Variants in DIP2B observed in about 807,000 individuals in gnomAD.
The protein encoded by DIP2B is DIP2 acetate--CoA ligase B (putative).
In DIP2B, 76 loss-of-function variants were observed where a neutral mutation model predicts 198.0. The observed-to-expected ratio is 0.38, with a 90% CI of 0.32 to 0.46. The LOEUF (loss-of-function observed/expected upper bound fraction) is 0.46. Among genes scored for constraint, DIP2B ranks in the 20% least tolerant of loss-of-function variants. The probability of loss-of-function intolerance (pLI) is 0.99; values close to 1 mark genes in which losing one functional copy is unlikely to be tolerated. For missense variants in DIP2B, 1,559 were observed against 1,978.4 expected (o/e 0.79, Z 4.02); for synonymous variants, 701 against 739.1 (o/e 0.95, Z 0.84).
intron 7 of DIP2B, 26 bp downstream of exon 7, chr12:50,675,474 A>AT: frequency 6.2e-7 from 1 of 1,600,928 alleles, no homozygotes; most frequent in Non-Finnish European, 8.5e-7. Context: ...CCAAAAACAT[A>AT]TATTCATTAA....
chr12:50,744,575 T>C lies in DIP2B; in HGVS notation c.4479-12T>C, dbSNP rs377657526. ...GTAGTGACAAGTTAATGAATTGTCA[T>C]TGAAATTTCAGTGCCGTGTTCACAT... is the stretch of plus-strand genomic sequence containing the variant. On this transcript the variant is annotated splice_polypyrimidine_tract_variant and intron_variant, in intron 37 of 37. Transcript: ENST00000301180. The C allele has an allele frequency of 1.2e-6, 2 of 1,610,548 alleles. No individual in the cohort carries two copies. Among genetic ancestry groups the C allele is most frequent in the Non-Finnish European group, 1.7e-6 (2 of 1,176,926 alleles).
intron 1 of DIP2B, among the ~76,000 whole-genome samples, chr12:50,559,978 C>T (rs776244013): frequency 6.6e-6 from 1 of 151,936 alleles, no homozygotes; most frequent in East Asian, 1.9e-4. Flanking sequence ...GGTTTACAAT[C>T]GAGAATGATC....
At chr12:50,579,275 C>A (rs943086213) in intron 1 of DIP2B, among the ~76,000 whole-genome samples, 1 of 151,968 alleles carries the variant, frequency 6.6e-6, no homozygotes, top group Non-Finnish European at 1.5e-5. Context: ...TTATAAGTTA[C>A]AGTGAACTGA....
intron 37 of DIP2B, among the ~76,000 whole-genome samples, chr12:50,742,196 A>T (rs1361644105): frequency 1.3e-5 from 2 of 151,854 alleles, no homozygotes; most frequent in African/African-American, 2.4e-5. Flanking sequence ...CCAGGAATCC[A>T]AGACCATCCT....
At chr12:50,514,458 C>T (rs1958046352) in intron 1 of DIP2B, among the ~76,000 whole-genome samples, 1 of 152,140 alleles carries the variant, frequency 6.6e-6, no homozygotes, top group South Asian at 2.1e-4. Context: ...TGTATCAGTT[C>T]CACCCGTATC....
At position 50,714,428 on chromosome 12, in the gene DIP2B, T is replaced by C; in HGVS notation, c.2683T>C (p.Cys895Arg). The C allele has an allele frequency of 6.2e-7, 1 of 1,614,250 alleles. No homozygotes were observed. The highest frequency in any genetic ancestry group is 8.5e-7 in the Non-Finnish European group (1 of 1,180,032). ...IDSIHQVGVY[C>R]LALVPANTLP... The stretch of plus-strand genomic sequence containing the variant: ...TAGCATTCATCAAGTGGGGGTTTAT[T>C]GTCTTGCTCTGGTGCCAGCCAATAC... Residue 895 changes from cysteine to arginine, a missense_variant, in exon 23 of 38, where the codon TGT (cysteine) becomes CGT (arginine). By Grantham distance (180) the Cys-to-Arg change is radical. Coordinates refer to ENST00000301180, the MANE Select transcript of DIP2B (RefSeq NM_173602.3).
At chr12:50,611,265 C>T (rs1959029504) in intron 1 of DIP2B, among the ~76,000 whole-genome samples, 2 of 152,150 alleles carry the variant, frequency 1.3e-5, no homozygotes, top group Non-Finnish European at 2.9e-5. Flanking sequence ...TTCTTTGTTT[C>T]ACTCTATTTT....
chr12:50,568,486 T>TTTCTGCTG (rs1958585269), intron 1 of DIP2B, among the ~76,000 whole-genome samples: 1 of 152,206 alleles, frequency 6.6e-6, no homozygotes, highest in Non-Finnish European at 1.5e-5. Context: ...CTGAGCAGTA[T>TTTCTGCTG]ACGGGAATTT....
At chr12:50,709,137 T>C (rs1252298614) in intron 22 of DIP2B, among the ~76,000 whole-genome samples, 2 of 152,230 alleles carry the variant, frequency 1.3e-5, no homozygotes, top group Non-Finnish European at 2.9e-5. Flanking sequence ...GCTCCACTTC[T>C]TACCAGATAT....
chr12:50,622,036 A>C (rs1373026039), intron 1 of DIP2B, among the ~76,000 whole-genome samples: 2 of 152,176 alleles, frequency 1.3e-5, no homozygotes, highest in African/African-American at 2.4e-5. Context: ...GCACTGAAGA[A>C]AGCTTTTTAA....
At position 50,743,110 on chromosome 12, in the gene DIP2B, G is replaced by T. The variant is rs148890596; in HGVS notation, c.4479-1477G>T. 4.6e-3 allele frequency among the ~76,000 whole-genome samples: 692 copies of T among 151,786 alleles called. 7 individuals carry two copies. Among genetic ancestry groups the T allele is most frequent in the African/African-American group, 0.016 (658 of 41,382 alleles). On this transcript the variant is annotated intron_variant, in intron 37 of 37. Transcript: ENST00000301180. ...ATTTGGTTTTGTTTGTTTTTTTTGT[G>T]AGACAGAGTCTCCCCAGGCTGGAGT...
chr12:50,674,417 T>G (rs1938908974), intron 5 of DIP2B, 57 bp from the exon 6 acceptor site: 1 of 1,596,136 alleles, frequency 6.3e-7, no homozygotes, highest in Admixed American at 1.7e-5. Flanking sequence ...CCCCAAAGAT[T>G]TGAAGGTTCT....
At chr12:50,653,328 C>CTTTTTTTTTTTTTTTTTTCTTTTTTTTT (rs71086465) in intron 3 of DIP2B, among the ~76,000 whole-genome samples, 1 of 116,308 alleles carries the variant, frequency 8.6e-6, no homozygotes, top group Admixed American at 1.0e-4. Flanking sequence ...GTCTTTCTTT[C>CTTTTTTTTTTTTTTTTTTCTTTTTTTTT]TTTTTTTTTT....
Position 50,736,932 on chromosome 12 carries a change from A to G in DIP2B, c.4102-104A>G, listed in dbSNP as rs532667823. 3.6e-5 allele frequency: 39 copies of G among 1,085,326 alleles called. No individual in the cohort carries two copies. The South Asian group carries it at 4.6e-4, about 13-fold the overall frequency. The allele number at this position is 1,085,326 out of a possible 1,614,324, so 67.2% of individuals were successfully genotyped here. A position where few individuals can be genotyped will look rare whatever the true frequency, so the allele number is the denominator to read the frequency against. The stretch of plus-strand genomic sequence containing the variant: ...GTGATGCCGCTACAGCTGGCTCGCC[A>G]TGTGTGCCTCTCTCACCTCTCCAGC... On this transcript the variant is annotated intron_variant, in intron 34 of 37. Coordinates refer to ENST00000301180, the MANE Select transcript of DIP2B (RefSeq NM_173602.3).
chr12:50,543,573 G>A, intron 1 of DIP2B, among the ~76,000 whole-genome samples: 1 of 151,784 alleles, frequency 6.6e-6, no homozygotes, highest in Non-Finnish European at 1.5e-5. Flanking sequence ...ACAAGCATGA[G>A]CCACCGCTCT....
chr12:50,720,347 G>A (rs942953658), intron 25 of DIP2B, among the ~76,000 whole-genome samples: 3 of 152,126 alleles, frequency 2.0e-5, no homozygotes, highest in Non-Finnish European at 2.9e-5. Context: ...CCCCAGCAGG[G>A]GAAGACTGGA....
rs1940369864 is a variant in DIP2B at position 50,748,482 on chromosome 12, A to ATTT, written c.*3644_*3645insTTT. The stretch of plus-strand genomic sequence containing the variant: ...GCTGTTTTGTTTACTTTCTGTCAAG[A>ATTT]TATTTACCCGTGTCAAATTCAAACT... On this transcript the variant is annotated 3_prime_UTR_variant, in exon 38 of 38. Transcript: ENST00000301180. The ATTT allele has an allele frequency of 1.3e-5, 2 of 152,792 alleles. No homozygotes were observed. Among genetic ancestry groups the ATTT allele is most frequent in the South Asian group, 4.1e-4 (2 of 4,824 alleles). The allele number at this position is 152,792 out of a possible 1,614,324, so 9.5% of individuals were successfully genotyped here. A position where few individuals can be genotyped will look rare whatever the true frequency, so the allele number is the denominator to read the frequency against.
chr12:50,694,523 A>G (rs1939273923), intron 14 of DIP2B, among the ~76,000 whole-genome samples: 1 of 79,664 alleles, frequency 1.3e-5, no homozygotes, highest in African/African-American at 3.9e-5. Context: ...ATACATACAT[A>G]CATACATACA....
chr12:50,554,652 C>A (rs865813871), intron 1 of DIP2B, among the ~76,000 whole-genome samples: 15 of 152,086 alleles, frequency 9.9e-5, no homozygotes, highest in Non-Finnish European at 2.1e-4. Flanking sequence ...TAGGGATTTC[C>A]TTTGCTTTGT....
Sources: allele counts gnomAD v4.1 joint callset (sites outside exome capture counted in the v4.1 genomes callset), GRCh38; gene constraint gnomAD v4.1.1; transcripts MANE v1.5; gene names NCBI Gene and HGNC (gene_info 2026-07-23, HGNC 2026-07-21).